TJP3: variants seen among roughly 807,000 people sequenced by gnomAD.
The protein encoded by TJP3 is tight junction protein ZO-3.
TJP3 carries 85 observed loss-of-function variants against 104.2 expected under a neutral mutation model. That is an observed-to-expected ratio of 0.82 (90% confidence interval 0.68 to 0.98). The LOEUF (loss-of-function observed/expected upper bound fraction) is 0.98. Ranked by LOEUF, TJP3 falls within the 50% of genes least tolerant of loss-of-function variation. TJP3 has a pLI of 0.00. For synonymous variants in TJP3, 550 were observed against 550.6 expected (o/e 1.00, Z 0.02); for missense variants, 1,367 against 1,322.8 (o/e 1.03, Z -0.52).
intron 5 of TJP3, 84 bp from the exon 6 acceptor site, chr19:3,731,851 C>A: frequency 1.7e-6 from 2 of 1,144,556 alleles, no homozygotes; most frequent in Non-Finnish European, 2.5e-6. Context: ...GGAGGGCCCG[C>A]ACCTGGACTG....
intron 8 of TJP3, among the ~76,000 whole-genome samples, chr19:3,735,240 C>T (rs1480503069): frequency 6.6e-6 from 1 of 152,026 alleles, no homozygotes; most frequent in African/African-American, 2.4e-5. Flanking sequence ...CACTCTGTCG[C>T]CCAGGCTGGA....
chr19:3,736,915 T>C (rs1001502791), intron 11 of TJP3, among the ~76,000 whole-genome samples: 10 of 146,944 alleles, frequency 6.8e-5, no homozygotes, highest in Non-Finnish European at 1.3e-4. Context: ...AGTCTTGCTC[T>C]GTCACCCAGG....
chr19:3,710,746 C>A (rs2036426376), intron 1 of TJP3, among the ~76,000 whole-genome samples: 1 of 151,398 alleles, frequency 6.6e-6, no homozygotes, highest in African/African-American at 2.4e-5. Context: ...GGTCACCAGG[C>A]CTTGGAGATT....
intron 1 of TJP3, among the ~76,000 whole-genome samples, chr19:3,715,263 G>A (rs2036467321): frequency 6.6e-6 from 1 of 151,982 alleles, no homozygotes; most frequent in African/African-American, 2.4e-5. Flanking sequence ...CTATATTTTT[G>A]TATTTTTAGT....
chr19:3,724,809 G>A (rs2036580889), intron 1 of TJP3, among the ~76,000 whole-genome samples: 1 of 152,020 alleles, frequency 6.6e-6, no homozygotes, highest in Non-Finnish European at 1.5e-5. Flanking sequence ...AAAGTGCTGA[G>A]ATTATAGGCA....
At chr19:3,726,207 G>T (rs961624832) in intron 1 of TJP3, among the ~76,000 whole-genome samples, 1 of 152,234 alleles carries the variant, frequency 6.6e-6, no homozygotes, top group Non-Finnish European at 1.5e-5. Flanking sequence ...GGGGAGCAGG[G>T]CATGGTGCGT....
At chr19:3,740,134 A>G (rs1299391156) in intron 13 of TJP3, among the ~76,000 whole-genome samples, 1 of 152,158 alleles carries the variant, frequency 6.6e-6, no homozygotes, top group Non-Finnish European at 1.5e-5. Context: ...TGGGAGGCTG[A>G]GGCATGAGAA....
chr19:3,722,023 G>A, intron 1 of TJP3: 1 of 555,302 alleles, frequency 1.8e-6, no homozygotes, highest in African/African-American at 1.9e-5. Context: ...CTACATAACA[G>A]GCAGGGAAAC....
intron 6 of TJP3, among the ~76,000 whole-genome samples, 157 bp downstream of exon 6, chr19:3,732,195 T>C (rs1232851997): frequency 6.6e-6 from 1 of 152,150 alleles, no homozygotes; most frequent in Admixed American, 6.5e-5. Context: ...TGGCCAGGCA[T>C]AAAACCCCCT....
chr19:3,723,595 C>T (rs1428987835), intron 1 of TJP3, among the ~76,000 whole-genome samples: 3 of 151,714 alleles, frequency 2.0e-5, no homozygotes, highest in Non-Finnish European at 4.4e-5. Flanking sequence ...AGTTTGAGCC[C>T]AGCCTGGCCA....
chr19:3,728,626 T>A lies in TJP3; in HGVS notation c.71T>A (p.Ile24Asn), dbSNP rs760833385. The change falls in exon 3 of 21, where the codon ATT (isoleucine) becomes AAT (asparagine). Residue 24 changes from isoleucine (I) to asparagine (N), a missense_variant. Physicochemically the swap from Ile to Asn is moderately radical, Grantham distance 149 (BLOSUM62 -3). Transcript: ENST00000541714. ...CAGGACCCCCGCCGGGGCTTTGGCA[T>A]TGCGATCTCTGGAGGCCGAGACCGG... The part of the protein sequence containing the change: ...LSKDPRRGFG[I>N]AISGGRDRPG... The A allele has an allele frequency of 6.2e-6, 10 of 1,613,386 alleles. No individual in the cohort carries two copies. Among genetic ancestry groups the A allele is most frequent in the Admixed American group, 1.7e-5 (1 of 59,956 alleles).
At chr19:3,739,917 T>C (rs1483965779) in intron 13 of TJP3, among the ~76,000 whole-genome samples, 1 of 152,042 alleles carries the variant, frequency 6.6e-6, no homozygotes, top group Non-Finnish European at 1.5e-5. Context: ...AGGATCATCA[T>C]CCACCTCAAT....
chr19:3,736,451 C>A, intron 11 of TJP3, 130 bp downstream of exon 11: 2 of 904,958 alleles, frequency 2.2e-6, no homozygotes, highest in Non-Finnish European at 3.0e-6. Context: ...GGTATTTGAA[C>A]ATTTCAGTGT....
chr19:3,735,744 G>C (rs956919910), intron 9 of TJP3, 105 bp downstream of exon 9: 6 of 1,585,940 alleles, frequency 3.8e-6, no homozygotes, highest in Non-Finnish European at 5.2e-6. Flanking sequence ...TAAGTGGTGA[G>C]ACATGGTTTC....
At chr19:3,747,248 A>C (rs969209378) in intron 18 of TJP3, among the ~76,000 whole-genome samples, 21 of 151,498 alleles carry the variant, frequency 1.4e-4, no homozygotes, top group Non-Finnish European at 2.5e-4. Context: ...TTTAGCAGAG[A>C]CGAGGTTTCA....
At position 3,746,990 on chromosome 19, in the gene TJP3, TG is replaced by T; in HGVS notation, c.2322+116del. ...AGGGCTTGGTCAGGGATCAGGACTG[TG>T]GCCAGAGTCAAGATGGGACCTGAGA... On this transcript the variant is annotated intron_variant, in intron 18 of 20. Transcript: ENST00000541714. The surrounding 1 kb of genome is among the most constrained non-coding windows in gnomAD (Gnocchi z 4.1). 1 of 1,014,270 alleles carries T rather than the reference TG, an allele frequency of 9.9e-7. No homozygotes were observed. Among genetic ancestry groups the T allele is most frequent in the Non-Finnish European group, 1.5e-6 (1 of 679,370 alleles). The allele number at this position is 1,014,270 out of a possible 1,614,324, so 62.8% of individuals were successfully genotyped here.
intron 1 of TJP3, among the ~76,000 whole-genome samples, chr19:3,715,283 G>T (rs1380887662): frequency 3.3e-5 from 5 of 152,018 alleles, no homozygotes; most frequent in Non-Finnish European, 7.4e-5. Context: ...TAGAGATGGG[G>T]TTTCACCGTG....
Position 3,750,237 on chromosome 19 carries a change from G to T in TJP3, c.2657+53G>T, listed in dbSNP as rs1296336980. 4 of 1,609,156 alleles carry T rather than the reference G, an allele frequency of 2.5e-6. No individual in the cohort carries two copies. The East Asian group carries it at 8.9e-5, about 36-fold the overall frequency. ...CCCTCAACCCTTCCCTTGGGACTCA[G>T]ACTCTGCGGACTCAGATCTAGATCC... On this transcript the variant is annotated intron_variant, in intron 20 of 20. Transcript: ENST00000541714.
Position 3,732,006 on chromosome 19 carries a change from C to T in TJP3, c.685C>T (p.Arg229Cys), listed in dbSNP as rs137857763. Reference sequence around the variant, plus strand: ...AGATTCGGGCCTGGCTGCCCGGCACCGTGGGCTGCAGGAAGGAGATCTCAT... The same window carrying T: ...AGATTCGGGCCTGGCTGCCCGGCACTGTGGGCTGCAGGAAGGAGATCTCAT... ...ITDSGLAARH[R>C]GLQEGDLILQ... The change falls in exon 6 of 21, where the codon CGT becomes TGT. Residue 229 changes from arginine to cysteine, a missense_variant. Transcript: ENST00000541714. The T allele has an allele frequency of 2.9e-4, 465 of 1,613,270 alleles. 1 individual carries two copies. The African/African-American group carries it at 4.9e-3, about 17-fold the overall frequency.
Sources: allele counts gnomAD v4.1 joint callset (sites outside exome capture counted in the v4.1 genomes callset), GRCh38; gene constraint gnomAD v4.1.1; non-coding constraint Gnocchi (gnomAD v3.1); transcripts MANE v1.5; gene names NCBI Gene and HGNC (gene_info 2026-07-23, HGNC 2026-07-21).